NRAS: variants seen among roughly 807,000 people sequenced by gnomAD.
NRAS encodes the protein GTPase NRas.
A neutral mutation model predicts 21.3 loss-of-function variants in NRAS; 6 were observed. The ratio of observed to expected loss-of-function variants is 0.28; its 90% CI spans 0.15 to 0.56. The LOEUF (loss-of-function observed/expected upper bound fraction) is 0.56. Among genes scored for constraint, NRAS ranks in the 20% least tolerant of loss-of-function variants. NRAS has a pLI of 0.93. For synonymous variants in NRAS, 84 were observed against 82.0 expected (o/e 1.02, Z -0.13); for missense variants, 143 against 231.3 (o/e 0.62, Z 2.48).
intron 5 of NRAS, 85 bp downstream of exon 5, chr1:114,708,446 T>C (rs1658964114): frequency 3.1e-6 from 4 of 1,285,780 alleles, no homozygotes; most frequent in Non-Finnish European, 4.5e-6. Flanking sequence ...TCAAAAAACA[T>C]ATAGACAATA....
rs61758215 is a variant in NRAS, at chr1:114,713,586, T to C, written c.290+214A>G. 2.3e-3 allele frequency among the ~76,000 whole-genome samples: 346 copies of C among 152,340 alleles called. 3 individuals are homozygous for C. Among genetic ancestry groups the C allele is most frequent in the African/African-American group, 7.8e-3 (324 of 41,568 alleles). On this transcript the variant is annotated intron_variant, in intron 3 of 6. Coordinates refer to ENST00000369535, the MANE Select transcript of NRAS (RefSeq NM_002524.5). ...CATTCCCAGTAGCAAGCTTCACTTA[T>C]GTATTATCAAACTTTATAGTAACAG... is the stretch of plus-strand genomic sequence containing the variant.
chr1:114,705,264 C>T lies in NRAS; in HGVS notation c.*2830G>A, dbSNP rs1403807797. 5 of 152,172 alleles carry T rather than the reference C, an allele frequency of 3.3e-5. No homozygotes were observed. The highest frequency in any genetic ancestry group is 5.9e-5 in the Non-Finnish European group (4 of 68,036). 9.4% of individuals were successfully genotyped at this position (152,172 alleles called of 1,614,324 possible). On this transcript the variant is annotated 3_prime_UTR_variant, in exon 7 of 7. Transcript: ENST00000369535. ...AAATAGAGATTAATTTTACCTATTA[C>T]ACTCCTATAGTAAAAATTGTAATAA... is the stretch of plus-strand genomic sequence containing the variant.
rs1229480504 is a variant in NRAS, at chr1:114,706,500, G to A, written c.*1594C>T. ...ATCAGCTTAGATTTATCAACATCTT[G>A]TTTTAAACCCTTCAAAGAACATTAT... On this transcript the variant is annotated 3_prime_UTR_variant, in exon 7 of 7. Coordinates refer to ENST00000369535, the MANE Select transcript of NRAS (RefSeq NM_002524.5). The A allele has an allele frequency of 6.6e-6, 1 of 152,038 alleles. No individual in the cohort carries two copies. The highest frequency in any genetic ancestry group is 6.6e-5 in the Admixed American group (1 of 15,254). The allele number at this position is 152,038 out of a possible 1,614,324, so 9.4% of individuals were successfully genotyped here.
At chr1:114,708,689 C>T (rs919454674) in intron 4 of NRAS, 35 bp from the exon 5 acceptor site, 1 of 1,609,808 alleles carries the variant, frequency 6.2e-7, no homozygotes, top group Non-Finnish European at 8.5e-7. Flanking sequence ...AATGAGAGAG[C>T]TAGCTCAACG....
intron 3 of NRAS, among the ~76,000 whole-genome samples, chr1:114,712,204 T>G (rs535642096): frequency 1.3e-5 from 2 of 152,220 alleles, no homozygotes; most frequent in African/African-American, 4.8e-5. Context: ...TTAACGGCTT[T>G]CAGCATACAG....
rs749081013 is a variant in NRAS at position 114,709,641 on chromosome 1, A to G, written c.378T>C (p.Asp126=). Residue 126 remains aspartate, a synonymous_variant, in exon 4 of 7, where the codon GAT becomes GAC. Coordinates refer to ENST00000369535, the MANE Select transcript of NRAS (RefSeq NM_002524.5). ...NKCDLPTRTV[D]TKQAHELAKS... ...TGGCCAGTTCGTGGGCTTGTTTTGT[A>G]TCAACTGTCCTTGTTGGCAAATCAC... 1.9e-6 allele frequency: 3 copies of G among 1,613,940 alleles called. No individual in the cohort carries two copies. Among genetic ancestry groups the G allele is most frequent in the Non-Finnish European group, 2.5e-6 (3 of 1,179,838 alleles).
chr1:114,713,763 A>G (rs771736107), intron 3 of NRAS, 37 bp downstream of exon 3: 1 of 1,549,994 alleles, frequency 6.5e-7, no homozygotes, highest in South Asian at 1.1e-5. Flanking sequence ...TCAGAACACA[A>G]AGATCATCCT....
At position 114,716,038 on chromosome 1, in the gene NRAS, A is replaced by T; in HGVS notation, c.111+12T>A. 6.7e-7 allele frequency: 1 copy of T among 1,495,424 alleles called. No homozygotes were observed. Among genetic ancestry groups the T allele is most frequent in the Non-Finnish European group, 9.3e-7 (1 of 1,071,300 alleles). 92.6% of individuals were successfully genotyped at this position (1,495,424 alleles called of 1,614,324 possible). ...GACAGGATCAGGTCAGCGGGCTACC[A>T]CTGGGCCTCACCTCTATGGTGGGAT... On this transcript the variant is annotated intron_variant, in intron 2 of 6. Transcript: ENST00000369535.
intron 4 of NRAS, 73 bp from the exon 5 acceptor site, chr1:114,708,727 G>A: frequency 7.2e-7 from 1 of 1,384,294 alleles, no homozygotes; most frequent in Non-Finnish European, 1.0e-6. Flanking sequence ...AAGCTCTCTT[G>A]CATTTGTATC....
rs1658866233 is a variant in NRAS at position 114,704,800 on chromosome 1, T to G, written c.*3294A>C. On this transcript the variant is annotated 3_prime_UTR_variant, in exon 7 of 7. Coordinates refer to ENST00000369535, the MANE Select transcript of NRAS (RefSeq NM_002524.5). The stretch of plus-strand genomic sequence containing the variant: ...TTAAAAATCATCTTACGTTTTGAAA[T>G]ATAATACAACTACTCTGGTAACAAG... 6.6e-6 allele frequency: 1 copy of G among 152,244 alleles called. No homozygotes were observed. Among genetic ancestry groups the G allele is most frequent in the Non-Finnish European group, 1.5e-5 (1 of 68,042 alleles). The allele number at this position is 152,244 out of a possible 1,614,324, so 9.4% of individuals were successfully genotyped here. A position where few individuals can be genotyped will look rare whatever the true frequency, so the allele number is the denominator to read the frequency against.
At chr1:114,711,217 G>A (rs967350742) in intron 3 of NRAS, among the ~76,000 whole-genome samples, 5 of 151,984 alleles carry the variant, frequency 3.3e-5, no homozygotes, top group Non-Finnish European at 7.4e-5. Flanking sequence ...GAGGTGGGAG[G>A]ATCCCTTGAT....
chr1:114,715,950 T>C lies in NRAS; in HGVS notation c.111+100A>G, dbSNP rs1332303905. 18 of 813,840 alleles carry C rather than the reference T, an allele frequency of 2.2e-5. No individual in the cohort carries two copies. In the Middle Eastern group the frequency reaches 8.8e-4, roughly 40 times the overall value. 50.4% of individuals were successfully genotyped at this position (813,840 alleles called of 1,614,324 possible). A position where few individuals can be genotyped will look rare whatever the true frequency, so the allele number is the denominator to read the frequency against. ...CTGAATGTATACCCAAAATAACTTTTTACTTTCTCTCCTCTTATTCCTTTA... is the reference window on the plus strand; with the variant it reads ...CTGAATGTATACCCAAAATAACTTTCTACTTTCTCTCCTCTTATTCCTTTA... On this transcript the variant is annotated intron_variant, in intron 2 of 6. Coordinates refer to ENST00000369535, the MANE Select transcript of NRAS (RefSeq NM_002524.5).
In NRAS at chr1:114,704,872, T is replaced by C. The variant is rs1658875783; in HGVS notation, c.*3222A>G. Reference sequence around the variant, plus strand: ...ATAGAAAACAAATACCTTAGATAATTGTGTGGCACATTAGACTGCTCAAAG... The same window carrying C: ...ATAGAAAACAAATACCTTAGATAATCGTGTGGCACATTAGACTGCTCAAAG... On this transcript the variant is annotated 3_prime_UTR_variant, in exon 7 of 7. Transcript: ENST00000369535. 1 of 152,196 alleles carries C rather than the reference T, an allele frequency of 6.6e-6. No individual in the cohort carries two copies. The highest frequency in any genetic ancestry group is 2.4e-5 in the African/African-American group (1 of 41,446). 9.4% of individuals were successfully genotyped at this position (152,196 alleles called of 1,614,324 possible).
intron 3 of NRAS, 102 bp downstream of exon 3, chr1:114,713,698 A>G (rs1429045124): frequency 1.0e-6 from 1 of 996,930 alleles, no homozygotes; most frequent in South Asian, 1.3e-5. Context: ...AACTCTTCCC[A>G]TAATTAAAAA....
rs1423702182 is a variant in NRAS at position 114,705,465 on chromosome 1, A to T, written c.*2629T>A. On this transcript the variant is annotated 3_prime_UTR_variant, in exon 7 of 7. Coordinates refer to ENST00000369535, the MANE Select transcript of NRAS (RefSeq NM_002524.5). ...AATATGTAATTTATGACAGCTGGCC[A>T]GGCACTTAATTTGGGGAAAGAGAAG... The T allele has an allele frequency of 6.6e-6, 1 of 152,256 alleles. No homozygotes were observed. The highest frequency in any genetic ancestry group is 1.5e-5 in the Non-Finnish European group (1 of 68,042). The allele number at this position is 152,256 out of a possible 1,614,324, so 9.4% of individuals were successfully genotyped here. A position where few individuals can be genotyped will look rare whatever the true frequency, so the allele number is the denominator to read the frequency against.
rs567299998 is a variant in NRAS, at chr1:114,714,225, G to T, written c.112-247C>A. Among the ~76,000 whole-genome samples, 5 of 152,302 alleles carry T rather than the reference G, an allele frequency of 3.3e-5. No individual in the cohort carries two copies. The East Asian group carries it at 9.6e-4, about 29-fold the overall frequency. On this transcript the variant is annotated intron_variant, in intron 2 of 6. Transcript: ENST00000369535. ...TGCAGAAAAGAAATATGGTCACTGT[G>T]TTCCTGGAAAAGATTAAGAAAACAC... is the stretch of plus-strand genomic sequence containing the variant.
In NRAS at chr1:114,716,689, T is replaced by C. The variant is rs1051787447; in HGVS notation, c.-49A>G. On this transcript the variant is annotated 5_prime_UTR_variant, in exon 1 of 7. Transcript: ENST00000369535. Reference sequence around the variant, plus strand: ...CTCCACTGCCTCTGCTTTGGACAGATTTAGGACCACAGCCGGGAAAAATGT... The same window carrying C: ...CTCCACTGCCTCTGCTTTGGACAGACTTAGGACCACAGCCGGGAAAAATGT... 2 of 174,568 alleles carry C rather than the reference T, an allele frequency of 1.1e-5. No homozygotes were observed. Among genetic ancestry groups the C allele is most frequent in the African/African-American group, 4.8e-5 (2 of 41,912 alleles). The allele number at this position is 174,568 out of a possible 1,614,324, so 10.8% of individuals were successfully genotyped here. A position where few individuals can be genotyped will look rare whatever the true frequency, so the allele number is the denominator to read the frequency against.
chr1:114,711,478 G>A (rs1659043128), intron 3 of NRAS, among the ~76,000 whole-genome samples: 1 of 151,876 alleles, frequency 6.6e-6, no homozygotes, highest in Non-Finnish European at 1.5e-5. Flanking sequence ...GTGGACGCCT[G>A]TAATTCCAGC....
intron 3 of NRAS, among the ~76,000 whole-genome samples, chr1:114,710,811 C>A (rs2101740021): frequency 6.6e-6 from 1 of 152,298 alleles, no homozygotes. Flanking sequence ...TATCCTGATA[C>A]ATGACCTAGT....
Sources: allele counts gnomAD v4.1 joint callset (sites outside exome capture counted in the v4.1 genomes callset), GRCh38; gene constraint gnomAD v4.1.1; transcripts MANE v1.5; gene names NCBI Gene and HGNC (gene_info 2026-07-23, HGNC 2026-07-21).